DOCK9: variants seen among roughly 807,000 people sequenced by gnomAD.
DOCK9 encodes dedicator of cytokinesis 9, also known as dedicator of cytokinesis protein 9.
In DOCK9, 89 loss-of-function variants were observed where a neutral mutation model predicts 263.3. That is an observed-to-expected ratio of 0.34 (90% CI 0.28 to 0.40). The LOEUF (loss-of-function observed/expected upper bound fraction) is 0.40, where lower values mean the gene tolerates loss of function less well. Ranked by LOEUF, DOCK9 falls within the 10% of genes least tolerant of loss-of-function variation. The pLI is 1.00. For missense variants in DOCK9, 2,140 were observed against 2,603.4 expected (o/e 0.82, Z 3.87); for synonymous variants, 976 against 973.1 (o/e 1.00, Z -0.06).
upstream of DOCK9, among the ~76,000 whole-genome samples, chr13:98,981,854 A>G (rs1210783352): frequency 1.3e-5 from 2 of 152,186 alleles, no homozygotes; most frequent in Non-Finnish European, 2.9e-5. Context: ...TGTGGCCACT[A>G]GAGGAAATGC....
At chr13:99,019,473 G>A (rs1885816723) in intron 1 of DOCK9, among the ~76,000 whole-genome samples, 1 of 152,086 alleles carries the variant, frequency 6.6e-6, no homozygotes, top group Non-Finnish European at 1.5e-5. Context: ...CATCTGGGCA[G>A]GCAGAGAGGA....
intron 1 of DOCK9, among the ~76,000 whole-genome samples, chr13:99,041,834 C>T (rs994979608): frequency 6.6e-6 from 1 of 152,192 alleles, no homozygotes; most frequent in South Asian, 2.1e-4. Context: ...GAGAAGGCCA[C>T]GTGAAGACAG....
At chr13:98,881,423 G>T in intron 25 of DOCK9, 135 bp downstream of exon 25, 1 of 665,748 alleles carries the variant, frequency 1.5e-6, no homozygotes, top group East Asian at 2.8e-5. Context: ...TACAAGCATT[G>T]GCTATGAGAA....
intron 1 of DOCK9, among the ~76,000 whole-genome samples, chr13:99,070,270 C>T (rs1272836462): frequency 6.6e-6 from 1 of 152,204 alleles, no homozygotes; most frequent in Non-Finnish European, 1.5e-5. Flanking sequence ...TACAAACTTT[C>T]CTTCCAATAT....
intron 26 of DOCK9, 91 bp downstream of exon 26, chr13:98,880,447 TTGTCTCTAA>T: frequency 6.7e-7 from 1 of 1,501,288 alleles, no homozygotes; most frequent in Non-Finnish European, 9.1e-7. Context: ...GGAGTGGTGT[TTGTCTCTAA>T]GAGCACTCAG....
chr13:99,082,215 C>G (rs1196545239), intron 1 of DOCK9, among the ~76,000 whole-genome samples: 1 of 151,678 alleles, frequency 6.6e-6, no homozygotes, highest in African/African-American at 2.4e-5. Context: ...TTAAGATGGT[C>G]TCTAAAAGAA....
At chr13:98,819,396 C>A (rs145067873) in intron 45 of DOCK9, among the ~76,000 whole-genome samples, 3 of 152,334 alleles carry the variant, frequency 2.0e-5, no homozygotes, top group Admixed American at 2.0e-4. Context: ...AGAACTCAGA[C>A]AACTTCCAGT....
At chr13:98,922,907 T>C (rs1320117499) in intron 5 of DOCK9, among the ~76,000 whole-genome samples, 2 of 152,196 alleles carry the variant, frequency 1.3e-5, no homozygotes, top group Non-Finnish European at 2.9e-5. Flanking sequence ...CTTGATCAAA[T>C]CAGACTTCAC....
At chr13:99,081,602 C>G (rs2042124081) in intron 1 of DOCK9, among the ~76,000 whole-genome samples, 1 of 152,208 alleles carries the variant, frequency 6.6e-6, no homozygotes, top group Non-Finnish European at 1.5e-5. Context: ...CTGATATTCA[C>G]ACAAATCTTT....
At chr13:99,079,367 A>G (rs7334435) in intron 1 of DOCK9, among the ~76,000 whole-genome samples, 96,786 of 151,974 alleles carry the variant, frequency 0.64, 31,319 homozygotes, top group East Asian at 0.89. Flanking sequence ...CTCAGCCCCC[A>G]TACCTACACC....
intron 1 of DOCK9, among the ~76,000 whole-genome samples, chr13:99,003,112 G>T (rs1389768894): frequency 6.6e-6 from 1 of 152,124 alleles, no homozygotes; most frequent in African/African-American, 2.4e-5. Context: ...CAGGCCAAGG[G>T]GATACCTTGA....
intron 1 of DOCK9, among the ~76,000 whole-genome samples, chr13:99,044,895 G>A (rs1888805956): frequency 2.0e-5 from 3 of 152,138 alleles, no homozygotes; most frequent in South Asian, 4.1e-4. Flanking sequence ...AGCAGGACAG[G>A]ATTTTACCAT....
intron 1 of DOCK9, among the ~76,000 whole-genome samples, chr13:99,048,473 A>G (rs1000451416): frequency 6.6e-6 from 1 of 152,220 alleles, no homozygotes; most frequent in African/African-American, 2.4e-5. Context: ...GCACATAACT[A>G]AAAATACAAT....
In DOCK9 at chr13:98,863,659, A is replaced by T. The variant is rs878901533; in HGVS notation, c.3287-111T>A. ...AAGACCCATCCTCTGCATTCAGCCC[A>T]CCCTGGGTGTCAAGAGATGATCAGA... On this transcript the variant is annotated intron_variant, in intron 30 of 52. Transcript: ENST00000682017. 8 of 1,135,840 alleles carry T rather than the reference A, an allele frequency of 7.0e-6. No individual in the cohort carries two copies. In the South Asian group the frequency reaches 1.0e-4, roughly 15 times the overall value. 70.4% of individuals were successfully genotyped at this position (1,135,840 alleles called of 1,614,324 possible). A position where few individuals can be genotyped will look rare whatever the true frequency, so the allele number is the denominator to read the frequency against.
chr13:98,951,565 G>A (rs1179573481), intron 2 of DOCK9, among the ~76,000 whole-genome samples: 1 of 152,230 alleles, frequency 6.6e-6, no homozygotes, highest in Non-Finnish European at 1.5e-5. Flanking sequence ...GAAGTAGGTC[G>A]TGAACAGCCA....
At chr13:98,933,933 A>T (rs1026627475) in intron 2 of DOCK9, among the ~76,000 whole-genome samples, 1 of 151,972 alleles carries the variant, frequency 6.6e-6, no homozygotes, top group Non-Finnish European at 1.5e-5. Flanking sequence ...TATCTCACTC[A>T]GTCACCCAGG....
chr13:98,881,448 A>G (rs1263492319), intron 25 of DOCK9, 110 bp downstream of exon 25: 13 of 834,100 alleles, frequency 1.6e-5, no homozygotes, highest in Non-Finnish European at 2.4e-5. Flanking sequence ...AAGAGAAAGC[A>G]TACGTTACAA....
intron 1 of DOCK9, among the ~76,000 whole-genome samples, chr13:99,034,406 T>G (rs1049198348): frequency 6.6e-6 from 1 of 152,184 alleles, no homozygotes; most frequent in Non-Finnish European, 1.5e-5. Flanking sequence ...ATCTTAAGCC[T>G]AAGACCTTCT....
At chr13:98,873,117 G>T (rs1594853676) in intron 27 of DOCK9, among the ~76,000 whole-genome samples, 1 of 152,072 alleles carries the variant, frequency 6.6e-6, no homozygotes, top group Admixed American at 6.5e-5. Context: ...TTAACCTTGG[G>T]TCACACATGT....
Sources: allele counts gnomAD v4.1 joint callset (sites outside exome capture counted in the v4.1 genomes callset), GRCh38; gene constraint gnomAD v4.1.1; transcripts MANE v1.5; gene names NCBI Gene and HGNC (gene_info 2026-07-23, HGNC 2026-07-21).